The following MTMR7 variants were observed in gnomAD, a reference collection of about 807,000 sequenced individuals.
The protein encoded by MTMR7 is myotubularin related protein 7.
MTMR7 carries 76 observed loss-of-function variants against 81.2 expected under a neutral mutation model. The ratio of observed to expected loss-of-function variants is 0.94; its 90% confidence interval spans 0.78 to 1.13. The LOEUF (loss-of-function observed/expected upper bound fraction) is 1.13, where lower values mean the gene tolerates loss of function less well. Ranked by LOEUF, MTMR7 falls within the 50% of genes most tolerant of loss-of-function variation. The pLI is 0.00. For missense variants in MTMR7, 1,044 were observed against 820.0 expected (o/e 1.27, Z -3.34); for synonymous variants, 372 against 289.8 (o/e 1.28, Z -2.88).
intron 1 of MTMR7, among the ~76,000 whole-genome samples, chr8:17,405,962 TTTTCTGGATTTATGCAAATA>T (rs11270305): frequency 0.074 from 11,251 of 152,122 alleles, 619 homozygotes; most frequent in Non-Finnish European, 0.11. Context: ...ACACAGCATT[TTTTCTGGATTTATGCAAATA>T]TTTCTGGATT....
At chr8:17,410,841 T>C (rs1447276306) in intron 1 of MTMR7, among the ~76,000 whole-genome samples, 1 of 152,208 alleles carries the variant, frequency 6.6e-6, no homozygotes, top group African/African-American at 2.4e-5. Flanking sequence ...CTGTACATTA[T>C]ACATGCATAC....
At chr8:17,356,441 G>C (rs551856681) in intron 4 of MTMR7, among the ~76,000 whole-genome samples, 1 of 152,226 alleles carries the variant, frequency 6.6e-6, no homozygotes, top group Non-Finnish European at 1.5e-5. Flanking sequence ...TGGCTTGCCT[G>C]TAATCCCAAC....
chr8:17,315,735 G>C (rs559706923), intron 7 of MTMR7, among the ~76,000 whole-genome samples: 98 of 152,248 alleles, frequency 6.4e-4, no homozygotes, highest in African/African-American at 2.4e-3. Context: ...AAAAAGGCTG[G>C]GCACAGTGCC....
intron 11 of MTMR7, among the ~76,000 whole-genome samples, chr8:17,305,258 T>C (rs1390768379): frequency 6.6e-6 from 1 of 152,250 alleles, no homozygotes; most frequent in Admixed American, 6.5e-5. Flanking sequence ...TGTTCTCTCA[T>C]GTATACTGCC....
chr8:17,386,950 G>A (rs1585113954), intron 1 of MTMR7, among the ~76,000 whole-genome samples: 1 of 152,150 alleles, frequency 6.6e-6, no homozygotes, highest in Admixed American at 6.5e-5. Flanking sequence ...TAGTCCCCAG[G>A]ATGGCACTCA....
intron 1 of MTMR7, among the ~76,000 whole-genome samples, chr8:17,391,163 G>C (rs1453551771): frequency 3.3e-5 from 5 of 152,140 alleles, no homozygotes; most frequent in African/African-American, 4.8e-5. Flanking sequence ...GCATCTGTGA[G>C]GGGAAACAAG....
At chr8:17,384,496 C>T (rs1820868643) in intron 1 of MTMR7, among the ~76,000 whole-genome samples, 1 of 152,114 alleles carries the variant, frequency 6.6e-6, no homozygotes, top group Admixed American at 6.5e-5. Flanking sequence ...ACCTCATGTC[C>T]ACAACTTCAT....
intron 4 of MTMR7, among the ~76,000 whole-genome samples, chr8:17,350,455 C>G (rs1389103628): frequency 6.6e-6 from 1 of 152,120 alleles, no homozygotes; most frequent in Non-Finnish European, 1.5e-5. Context: ...AGCATTAGAT[C>G]TTGTGAGACT....
At chr8:17,396,104 G>T (rs1385087837) in intron 1 of MTMR7, among the ~76,000 whole-genome samples, 2 of 144,118 alleles carry the variant, frequency 1.4e-5, no homozygotes, top group Non-Finnish European at 3.0e-5. Flanking sequence ...AGATATGGCT[G>T]ATCATACCAA....
At chr8:17,310,357 T>C (rs1817717772) in intron 9 of MTMR7, among the ~76,000 whole-genome samples, 1 of 152,120 alleles carries the variant, frequency 6.6e-6, no homozygotes, top group African/African-American at 2.4e-5. Flanking sequence ...ATATCCCCAA[T>C]GCTTTAAAGT....
intron 6 of MTMR7, among the ~76,000 whole-genome samples, chr8:17,338,043 T>C (rs1373977614): frequency 6.6e-6 from 1 of 152,190 alleles, no homozygotes; most frequent in Non-Finnish European, 1.5e-5. Flanking sequence ...CTCAGTCTCC[T>C]GGCTACCAAG....
chr8:17,313,258 T>A, intron 8 of MTMR7, 34 bp downstream of exon 8: 1 of 1,508,716 alleles, frequency 6.6e-7, no homozygotes, highest in Non-Finnish European at 9.2e-7. Context: ...TTTGCTCATC[T>A]GTCCCTTAAT....
chr8:17,373,411 T>C (rs1028230629), intron 1 of MTMR7, among the ~76,000 whole-genome samples, 171 bp from the exon 2 acceptor site: 5 of 152,206 alleles, frequency 3.3e-5, no homozygotes, highest in Non-Finnish European at 7.3e-5. Flanking sequence ...CAGAGTAGGA[T>C]TGTGTATATT....
chr8:17,305,642 T>C (rs2150471530), intron 11 of MTMR7, 115 bp downstream of exon 11: 1 of 809,032 alleles, frequency 1.2e-6, no homozygotes, highest in Middle Eastern at 2.8e-4. Context: ...AATCTGTCAG[T>C]ATAGGTATGT....
chr8:17,332,444 T>G (rs1048924252), intron 6 of MTMR7, among the ~76,000 whole-genome samples: 28 of 152,090 alleles, frequency 1.8e-4, no homozygotes, highest in African/African-American at 6.3e-4. Context: ...GGATACACAA[T>G]GGTTTATCAT....
chr8:17,393,077 C>A (rs1271729859), intron 1 of MTMR7, among the ~76,000 whole-genome samples: 1 of 152,000 alleles, frequency 6.6e-6, no homozygotes. Flanking sequence ...TAAGGATAGA[C>A]AAAGATATTA....
chr8:17,396,353 G>A (rs550159345), intron 1 of MTMR7, among the ~76,000 whole-genome samples: 5 of 152,284 alleles, frequency 3.3e-5, no homozygotes, highest in Admixed American at 6.5e-5. Flanking sequence ...TTGAATTGCC[G>A]AGGCAACCTG....
intron 3 of MTMR7, among the ~76,000 whole-genome samples, chr8:17,368,861 G>C (rs1229564830): frequency 6.6e-6 from 1 of 152,154 alleles, no homozygotes; most frequent in African/African-American, 2.4e-5. Context: ...TTTTAGAAAA[G>C]GTAGCCAGTC....
chr8:17,302,984 T>C (rs1415935281), intron 12 of MTMR7, among the ~76,000 whole-genome samples: 1 of 152,078 alleles, frequency 6.6e-6, no homozygotes, highest in East Asian at 1.9e-4. Context: ...GTGCTGGGAT[T>C]ATAGGCGGGA....
Sources: gnomAD v4.1 joint callset for allele counts (sites outside exome capture counted in the v4.1 genomes callset) on GRCh38, gnomAD v4.1.1 for gene constraint, MANE v1.5 for transcripts, NCBI Gene and HGNC (gene_info 2026-07-23, HGNC 2026-07-21) for gene names.